The following ALDH3B1 variants were observed in gnomAD, a reference collection of about 807,000 sequenced individuals.
ALDH3B1 encodes aldehyde dehydrogenase family 3 member B1.
Under a neutral mutation model 46.2 loss-of-function variants are expected in ALDH3B1, and 37 were observed. The ratio of observed to expected loss-of-function variants is 0.80; its 90% confidence interval spans 0.62 to 1.05. The LOEUF is 1.05. Ranked by LOEUF, ALDH3B1 falls within the 50% of genes least tolerant of loss-of-function variation. The probability of loss-of-function intolerance (pLI) is 0.00; values close to 1 mark genes in which losing one functional copy is unlikely to be tolerated. For synonymous variants in ALDH3B1, 283 were observed against 281.0 expected (o/e 1.01, Z -0.07); for missense variants, 603 against 665.5 (o/e 0.91, Z 1.03).
At position 68,026,008 on chromosome 11, in the gene ALDH3B1, G is replaced by C. The variant is rs1486240911; in HGVS notation, c.1117-1G>C. 1.9e-6 allele frequency: 3 copies of C among 1,593,968 alleles called. No homozygotes were observed. The highest frequency in any genetic ancestry group is 1.3e-5 in the African/African-American group (1 of 74,336). Reference sequence around the variant, plus strand: ...CTCACGCACATCCTGTTCTCTCCCAGGTGGTCAAGCGGGTGCTGACCCAGA... The same window carrying C: ...CTCACGCACATCCTGTTCTCTCCCACGTGGTCAAGCGGGTGCTGACCCAGA... On this transcript the variant is annotated splice_acceptor_variant, in intron 8 of 9. Coordinates refer to ENST00000342456, the MANE Select transcript of ALDH3B1 (RefSeq NM_000694.4). LOFTEE classifies it high-confidence loss of function.
chr11:68,017,814 A>T (rs1477186005), intron 2 of ALDH3B1: 1 of 152,222 alleles, frequency 6.6e-6, no homozygotes, highest in African/African-American at 2.4e-5. Flanking sequence ...CCAGGAGTTC[A>T]AGACCTACCT....
chr11:68,010,606 G>T (rs1168627663), intron 1 of ALDH3B1, among the ~76,000 whole-genome samples: 2 of 152,168 alleles, frequency 1.3e-5, no homozygotes, highest in Non-Finnish European at 2.9e-5. Context: ...CGAGGTCCCG[G>T]GCACCCCCCT....
intron 8 of ALDH3B1, among the ~76,000 whole-genome samples, chr11:68,023,060 C>A (rs1276012457): frequency 2.0e-5 from 3 of 152,168 alleles, no homozygotes; most frequent in African/African-American, 7.2e-5. Context: ...ACATCGGGGC[C>A]TGGTGGCCAC....
At chr11:68,016,522 C>T (rs1452683922) in intron 2 of ALDH3B1, 1 of 152,626 alleles carries the variant, frequency 6.6e-6, no homozygotes, top group African/African-American at 2.4e-5. Flanking sequence ...CCTCCCAATC[C>T]CAGTGGCAGC....
rs770709387 is a variant in ALDH3B1 at position 68,028,119 on chromosome 11, C to T, written c.*180C>T. 4 of 873,152 alleles carry T rather than the reference C, an allele frequency of 4.6e-6. No homozygotes were observed. The highest frequency in any genetic ancestry group is 5.8e-6 in the Non-Finnish European group (3 of 519,734). The allele number at this position is 873,152 out of a possible 1,614,324, so 54.1% of individuals were successfully genotyped here. A position where few individuals can be genotyped will look rare whatever the true frequency, so the allele number is the denominator to read the frequency against. On this transcript the variant is annotated 3_prime_UTR_variant, in exon 10 of 10. Coordinates refer to ENST00000342456, the MANE Select transcript of ALDH3B1 (RefSeq NM_000694.4). ...TCCCTCTCCCTGCCTCAGCCTCCTCCCTCAGCCGCTCCCAACCATGAGAGC... is the reference window on the plus strand; with the variant it reads ...TCCCTCTCCCTGCCTCAGCCTCCTCTCTCAGCCGCTCCCAACCATGAGAGC...
At chr11:68,026,562 G>A (rs1182770762) in intron 9 of ALDH3B1, among the ~76,000 whole-genome samples, 3 of 151,328 alleles carry the variant, frequency 2.0e-5, no homozygotes, top group Non-Finnish European at 2.9e-5. Context: ...TGAGAGGCCC[G>A]GATGAGTGCC....
chr11:68,011,642 C>T (rs1275502368), intron 1 of ALDH3B1, among the ~76,000 whole-genome samples: 1 of 152,186 alleles, frequency 6.6e-6, no homozygotes, highest in African/African-American at 2.4e-5. Flanking sequence ...CTAGTGATCC[C>T]CGCCTTCTGG....
At chr11:68,021,899 C>G in intron 7 of ALDH3B1, 28 bp downstream of exon 7, 1 of 1,563,782 alleles carries the variant, frequency 6.4e-7, no homozygotes, top group Non-Finnish European at 8.7e-7. Context: ...TACCACAGCC[C>G]ACCTGGGCCA....
rs1311700486 is a variant in ALDH3B1, at chr11:68,022,763, T to A, written c.1116+2T>A. The A allele has an allele frequency of 6.2e-7, 1 of 1,613,618 alleles. No homozygotes were observed. Among genetic ancestry groups the A allele is most frequent in the Non-Finnish European group, 8.5e-7 (1 of 1,179,922 alleles). ...TACGCCTTCTCCAACAGCAGCCAGG[T>A]GGGGGTGCGGCCGGGCTGGGCAGGG... On this transcript the variant is annotated splice_donor_variant, in intron 8 of 9. Coordinates refer to ENST00000342456, the MANE Select transcript of ALDH3B1 (RefSeq NM_000694.4). LOFTEE classifies it high-confidence loss of function.
At chr11:68,024,108 T>C (rs904086588) in intron 8 of ALDH3B1, 2 of 152,204 alleles carry the variant, frequency 1.3e-5, no homozygotes, top group African/African-American at 4.8e-5. Flanking sequence ...TTAATAACCC[T>C]CTCAGCTTAA....
intron 1 of ALDH3B1, among the ~76,000 whole-genome samples, chr11:68,011,727 T>C (rs1030766531): frequency 1.4e-4 from 22 of 152,166 alleles, no homozygotes; most frequent in African/African-American, 5.3e-4. Flanking sequence ...CTGTCCTCAG[T>C]TGGGTCTCAG....
chr11:68,011,229 G>A (rs575907527), intron 1 of ALDH3B1, among the ~76,000 whole-genome samples: 1 of 152,356 alleles, frequency 6.6e-6, no homozygotes, highest in African/African-American at 2.4e-5. Flanking sequence ...TGGCAGAGCA[G>A]GGGGTTCATA....
chr11:68,010,271 G>T (rs762905639), upstream of ALDH3B1: 5 of 152,226 alleles, frequency 3.3e-5, no homozygotes, highest in Admixed American at 6.5e-5. Context: ...CAGGCACGAG[G>T]CTAGGGCAAC....
intron 2 of ALDH3B1, chr11:68,016,104 G>T: frequency 6.1e-6 from 1 of 162,936 alleles, no homozygotes; most frequent in Non-Finnish European, 1.3e-5. Flanking sequence ...CAGCATATTG[G>T]GTTGAAATAT....
At chr11:68,025,050 C>T (rs1020785626) in intron 8 of ALDH3B1, 1 of 152,218 alleles carries the variant, frequency 6.6e-6, no homozygotes, top group Non-Finnish European at 1.5e-5. Context: ...ATACTTTCAC[C>T]TTTAGAAAAC....
intron 1 of ALDH3B1, among the ~76,000 whole-genome samples, chr11:68,014,467 T>C (rs1177631483): frequency 6.6e-6 from 1 of 152,198 alleles, no homozygotes; most frequent in Admixed American, 6.5e-5. Flanking sequence ...GCTCCTCCGA[T>C]GAACTTCAAG....
At chr11:68,011,565 G>A (rs374994833) in intron 1 of ALDH3B1, among the ~76,000 whole-genome samples, 1 of 152,318 alleles carries the variant, frequency 6.6e-6, no homozygotes, top group South Asian at 2.1e-4. Flanking sequence ...GTTTAATGAA[G>A]CTACACTGCA....
upstream of ALDH3B1, among the ~76,000 whole-genome samples, chr11:68,009,129 C>T (rs1449380526): frequency 6.6e-6 from 1 of 152,200 alleles, no homozygotes; most frequent in African/African-American, 2.4e-5. Context: ...AGCTCTGGAG[C>T]AAGAAGCTCT....
chr11:68,020,251 C>A (rs920869698), intron 6 of ALDH3B1, among the ~76,000 whole-genome samples: 1 of 151,668 alleles, frequency 6.6e-6, no homozygotes, highest in African/African-American at 2.4e-5. Context: ...TTTTTTGAGA[C>A]AGAGTCTTGC....
Sources: allele counts gnomAD v4.1 joint callset (sites outside exome capture counted in the v4.1 genomes callset), GRCh38; gene constraint gnomAD v4.1.1; transcripts MANE v1.5; gene names NCBI Gene and HGNC (gene_info 2026-07-23, HGNC 2026-07-21).